The following CIP2A variants were observed in gnomAD, a reference collection of about 807,000 sequenced individuals.
CIP2A encodes the protein cellular inhibitor of PP2A.
A neutral mutation model predicts 110.9 loss-of-function variants in CIP2A; 103 were observed. The observed-to-expected ratio is 0.93, with a 90% CI of 0.79 to 1.09. The LOEUF is 1.09. Among genes scored for constraint, CIP2A ranks in the 50% least tolerant of loss-of-function variants. The pLI, the probability that CIP2A is intolerant of heterozygous loss-of-function variation, is 0.00. For synonymous variants in CIP2A, 381 were observed against 361.6 expected (o/e 1.05, Z -0.61); for missense variants, 1,088 against 1,038.4 (o/e 1.05, Z -0.66).
chr3:108,588,585 T>C (rs775837190), intron 1 of CIP2A, among the ~76,000 whole-genome samples: 2 of 152,164 alleles, frequency 1.3e-5, no homozygotes, highest in Non-Finnish European at 2.9e-5. Context: ...TTAATTGAGC[T>C]TTAAAAAAAT....
rs1938308522 is a variant in CIP2A, at chr3:108,569,436, C to T, written c.1066G>A (p.Glu356Lys). The T allele has an allele frequency of 1.9e-6, 3 of 1,612,624 alleles. No homozygotes were observed. The highest frequency in any genetic ancestry group is 3.3e-5 in the Admixed American group (2 of 59,800). Residue 356 changes from glutamate (E) to lysine (K), a missense_variant, in exon 9 of 21, where the codon GAA becomes AAA. By Grantham distance (56) the Glu-to-Lys change is moderately conservative. Transcript: ENST00000295746. ...RWLSQPLDGS[E>K]NCSVLALELF... ...TCCAATGCTAAAACAGAACAGTTTT[C>T]TGATCCGTCCAAAGGTTGGCTTAAC...
At chr3:108,575,369 C>T (rs956671472) in intron 8 of CIP2A, among the ~76,000 whole-genome samples, 1 of 149,428 alleles carries the variant, frequency 6.7e-6, no homozygotes, top group Admixed American at 6.6e-5. Context: ...TATATACATA[C>T]ACATATACAT....
intron 8 of CIP2A, 70 bp from the exon 9 acceptor site, chr3:108,569,677 G>T: frequency 1.7e-6 from 2 of 1,154,838 alleles, no homozygotes; most frequent in African/African-American, 1.5e-5. Context: ...AGTGTATGAT[G>T]AAGCTGAAAA....
rs1213591998 is a variant in CIP2A at position 108,560,691 on chromosome 3, C to G, written c.1785G>C (p.Leu595Phe). 2 of 1,609,162 alleles carry G rather than the reference C, an allele frequency of 1.2e-6. No individual in the cohort carries two copies. Among genetic ancestry groups the G allele is most frequent in the Non-Finnish European group, 1.7e-6 (2 of 1,178,172 alleles). Residue 595 changes from leucine (L) to phenylalanine (F), a missense_variant, in exon 14 of 21, where the codon TTG becomes TTC. Transcript: ENST00000295746. ...TPHLKDGVPG[L>F]NIEELIEKLQ... is the part of the protein sequence containing the mutation. The stretch of plus-strand genomic sequence containing the variant: ...GTTTCTCTATTAATTCTTCAATATT[C>G]AATCCAGGAACACCATCTTTCAAAT...
At chr3:108,575,036 G>C (rs749321577) in intron 8 of CIP2A, 1 of 152,120 alleles carries the variant, frequency 6.6e-6, no homozygotes, top group African/African-American at 2.4e-5. Context: ...TGTGGCCCCC[G>C]GACAAGTGGT....
rs936741920 is a variant in CIP2A at position 108,579,283 on chromosome 3, G to A, written c.816C>T (p.Thr272=). The A allele has an allele frequency of 1.9e-6, 3 of 1,606,824 alleles. No homozygotes were observed. Among genetic ancestry groups the A allele is most frequent in the Non-Finnish European group, 8.5e-7 (1 of 1,175,326 alleles). Residue 272 remains threonine (T), a splice_region_variant and synonymous_variant, in exon 7 of 21, where the codon ACC becomes ACT. Coordinates refer to ENST00000295746, the MANE Select transcript of CIP2A (RefSeq NM_020890.3). ...AAATTGACTGAAGTGAGTCATACCT[G>A]GTGAGATAATCAGCAATTTTAGGAT... is the stretch of plus-strand genomic sequence containing the variant. ...LKNPKIADYL[T]RYEHFSSCLH...
intron 17 of CIP2A, among the ~76,000 whole-genome samples, chr3:108,555,350 G>C (rs1937758183): frequency 6.6e-6 from 1 of 152,196 alleles, no homozygotes. Flanking sequence ...GGAAATTCCA[G>C]GGACCTAGAT....
intron 18 of CIP2A, 58 bp downstream of exon 18, chr3:108,554,318 G>A: frequency 1.5e-6 from 1 of 679,736 alleles, no homozygotes; most frequent in Non-Finnish European, 2.6e-6. Context: ...TATATAAAGG[G>A]AATCATTTTG....
At chr3:108,586,233 T>C (rs541710106) in intron 1 of CIP2A, among the ~76,000 whole-genome samples, 3 of 152,296 alleles carry the variant, frequency 2.0e-5, no homozygotes, top group South Asian at 4.1e-4. Flanking sequence ...ACATTATCTG[T>C]TCCCAAGGAG....
intron 2 of CIP2A, chr3:108,584,768 T>C (rs1351811696): frequency 2.1e-5 from 5 of 235,398 alleles, no homozygotes; most frequent in South Asian, 1.4e-4. Flanking sequence ...CTGCCCCAAA[T>C]TGGAGTAGTG....
At chr3:108,575,123 A>G (rs1329671391) in intron 8 of CIP2A, 1 of 152,072 alleles carries the variant, frequency 6.6e-6, no homozygotes, top group Admixed American at 6.5e-5. Flanking sequence ...TCCCTTGTCC[A>G]AAAAAAGAAT....
chr3:108,588,927 T>C (rs1352508519), intron 1 of CIP2A, among the ~76,000 whole-genome samples: 1 of 152,204 alleles, frequency 6.6e-6, no homozygotes, highest in East Asian at 1.9e-4. Context: ...TTTCCGTCAC[T>C]GAGAATAGTT....
chr3:108,577,866 T>TC (rs1938714902), intron 7 of CIP2A, among the ~76,000 whole-genome samples: 1 of 152,056 alleles, frequency 6.6e-6, no homozygotes, highest in African/African-American at 2.4e-5. Flanking sequence ...ACCACTGCAC[T>TC]CCAGCCTGGG....
intron 5 of CIP2A, 80 bp downstream of exon 5, chr3:108,581,335 A>G: frequency 2.0e-6 from 2 of 1,011,066 alleles, no homozygotes; most frequent in Non-Finnish European, 3.0e-6. Context: ...TTTGTTTTAA[A>G]GAAAAAGATA....
At chr3:108,563,755 T>C (rs948397160) in intron 12 of CIP2A, among the ~76,000 whole-genome samples, 1 of 152,078 alleles carries the variant, frequency 6.6e-6, no homozygotes, top group Non-Finnish European at 1.5e-5. Context: ...GTCATCAACA[T>C]ATATCTAAAA....
Position 108,566,038 on chromosome 3 carries a change from T to C in CIP2A, c.1415+459A>G, listed in dbSNP as rs374200652. The stretch of plus-strand genomic sequence containing the variant: ...GGAAGGGGTATAAAGTAATATCTTA[T>C]TACCATCAGTGAAAATCCACCTTTA... On this transcript the variant is annotated intron_variant, in intron 11 of 20. Coordinates refer to ENST00000295746, the MANE Select transcript of CIP2A (RefSeq NM_020890.3). Among the ~76,000 whole-genome samples the C allele has an allele frequency of 6.6e-5, 10 of 151,832 alleles. No individual in the cohort carries two copies. In the East Asian group the frequency reaches 1.4e-3, roughly 21 times the overall value.
At chr3:108,553,057 T>C (rs749689669) in intron 19 of CIP2A, among the ~76,000 whole-genome samples, 3 of 151,666 alleles carry the variant, frequency 2.0e-5, no homozygotes, top group Non-Finnish European at 4.4e-5. Flanking sequence ...TGCCCCCTGA[T>C]TCTAAAAGTT....
At chr3:108,576,403 A>C (rs573193796) in intron 7 of CIP2A, 57 bp from the exon 8 acceptor site, 1 of 913,420 alleles carries the variant, frequency 1.1e-6, no homozygotes, top group East Asian at 2.6e-5. Flanking sequence ...ATACATCAAA[A>C]GGGATTTATC....
chr3:108,564,792 G>C (rs902452069), intron 12 of CIP2A, among the ~76,000 whole-genome samples: 1 of 151,816 alleles, frequency 6.6e-6, no homozygotes, highest in African/African-American at 2.4e-5. Flanking sequence ...TATAGAATGA[G>C]GCTGCCAAAT....
Sources: allele counts gnomAD v4.1 joint callset (sites outside exome capture counted in the v4.1 genomes callset), GRCh38; gene constraint gnomAD v4.1.1; transcripts MANE v1.5; gene names NCBI Gene and HGNC (gene_info 2026-07-23, HGNC 2026-07-21).